Variants in CHST9 observed in about 807,000 individuals in gnomAD.
The protein encoded by CHST9 is carbohydrate sulfotransferase 9, also known as GalNAc-4-sulfotransferase 2.
A neutral mutation model predicts 44.4 loss-of-function variants in CHST9; 41 were observed. That is an observed-to-expected ratio of 0.92 (90% confidence interval 0.72 to 1.20). CHST9 has a LOEUF of 1.20. Ranked by LOEUF, CHST9 falls within the 50% of genes most tolerant of loss-of-function variation. The probability of loss-of-function intolerance (pLI) is 0.00; values close to 1 mark genes in which losing one functional copy is unlikely to be tolerated. For missense variants in CHST9, 504 were observed against 516.5 expected (o/e 0.98, Z 0.23); for synonymous variants, 171 against 178.4 (o/e 0.96, Z 0.33).
At chr18:27,032,140 A>T (rs748913958) in intron 3 of CHST9, among the ~76,000 whole-genome samples, 14 of 152,110 alleles carry the variant, frequency 9.2e-5, no homozygotes, top group Non-Finnish European at 1.9e-4. Context: ...TTGCTCTAAA[A>T]ATCCTTTTGT....
At chr18:27,148,236 G>A (rs904697835) in intron 1 of CHST9, among the ~76,000 whole-genome samples, 8 of 151,578 alleles carry the variant, frequency 5.3e-5, no homozygotes, top group Non-Finnish European at 7.4e-5. Flanking sequence ...TGGTATAGAC[G>A]TACCACATTT....
intron 1 of CHST9, among the ~76,000 whole-genome samples, chr18:27,143,550 A>T (rs2058586293): frequency 1.3e-5 from 2 of 152,044 alleles, no homozygotes; most frequent in Non-Finnish European, 1.5e-5. Flanking sequence ...TACTGAACAG[A>T]TTTTCTTTTA....
chr18:26,960,454 C>T (rs887050038), intron 4 of CHST9, among the ~76,000 whole-genome samples: 3 of 152,178 alleles, frequency 2.0e-5, no homozygotes, highest in Non-Finnish European at 2.9e-5. Flanking sequence ...CTTAAGTTCT[C>T]ACTGGTTGTG....
At chr18:27,055,381 C>G in intron 2 of CHST9, among the ~76,000 whole-genome samples, 1 of 152,176 alleles carries the variant, frequency 6.6e-6, no homozygotes, top group South Asian at 2.1e-4. Flanking sequence ...TCTATACTTC[C>G]GAGTTAACTA....
At chr18:27,126,828 T>C (rs2143824382) in intron 2 of CHST9, among the ~76,000 whole-genome samples, 1 of 152,172 alleles carries the variant, frequency 6.6e-6, no homozygotes, top group African/African-American at 2.4e-5. Context: ...AAGGCTGCTT[T>C]AGGGGCTGCT....
chr18:26,955,555 T>C (rs2056310872), intron 4 of CHST9, among the ~76,000 whole-genome samples: 1 of 152,138 alleles, frequency 6.6e-6, no homozygotes, highest in Non-Finnish European at 1.5e-5. Context: ...ACAGCACAAG[T>C]GCAGGCTGAA....
At chr18:27,092,657 A>G (rs945785113) in intron 2 of CHST9, among the ~76,000 whole-genome samples, 7 of 151,994 alleles carry the variant, frequency 4.6e-5, no homozygotes, top group African/African-American at 1.7e-4. Context: ...CTTTGTTCTC[A>G]TTTGTTTCAA....
intron 2 of CHST9, among the ~76,000 whole-genome samples, chr18:27,133,008 T>A (rs2058484671): frequency 6.6e-6 from 1 of 152,260 alleles, no homozygotes; most frequent in African/African-American, 2.4e-5. Flanking sequence ...ATTCCAAGTC[T>A]CAAAAGCCAG....
chr18:27,137,188 G>A (rs968511640), intron 2 of CHST9, among the ~76,000 whole-genome samples: 11 of 151,098 alleles, frequency 7.3e-5, no homozygotes, highest in African/African-American at 2.7e-4. Flanking sequence ...AGGAGAGATT[G>A]ATTTATACAT....
chr18:27,087,651 C>T (rs577143880), intron 2 of CHST9, among the ~76,000 whole-genome samples: 1 of 152,244 alleles, frequency 6.6e-6, no homozygotes, highest in African/African-American at 2.4e-5. Context: ...CCTCTGAGAC[C>T]TCACTAAATC....
intron 5 of CHST9, among the ~76,000 whole-genome samples, chr18:26,922,394 C>T (rs1279746518): frequency 1.3e-5 from 2 of 152,160 alleles, no homozygotes; most frequent in Non-Finnish European, 2.9e-5. Flanking sequence ...TTTATTCCAG[C>T]TTCCACAGTT....
chr18:27,117,517 C>T (rs1598736404), intron 2 of CHST9, among the ~76,000 whole-genome samples: 1 of 152,038 alleles, frequency 6.6e-6, no homozygotes, highest in East Asian at 1.9e-4. Context: ...AGTTTCAGTG[C>T]CCTAAAAATC....
chr18:27,012,388 A>G (rs2145248210), intron 4 of CHST9, among the ~76,000 whole-genome samples: 1 of 152,358 alleles, frequency 6.6e-6, no homozygotes, highest in Middle Eastern at 3.4e-3. Flanking sequence ...TATTTTTAAG[A>G]AAATCATAAG....
chr18:27,064,416 G>T (rs554265297), intron 2 of CHST9, among the ~76,000 whole-genome samples: 1 of 152,194 alleles, frequency 6.6e-6, no homozygotes, highest in South Asian at 2.1e-4. Flanking sequence ...TGTTCCGCAC[G>T]CATCAGAGCA....
chr18:27,050,985 T>C, intron 2 of CHST9, among the ~76,000 whole-genome samples: 1 of 152,222 alleles, frequency 6.6e-6, no homozygotes, highest in East Asian at 1.9e-4. Context: ...GTGATCAAGG[T>C]ATCCCAAATG....
intron 2 of CHST9, among the ~76,000 whole-genome samples, chr18:27,111,951 C>G (rs1388212248): frequency 6.6e-6 from 1 of 152,100 alleles, no homozygotes; most frequent in Non-Finnish European, 1.5e-5. Flanking sequence ...TCAAATTATA[C>G]CATCAGCTTT....
chr18:27,116,758 TATTTA>T (rs1248771410), intron 2 of CHST9, among the ~76,000 whole-genome samples: 2 of 152,230 alleles, frequency 1.3e-5, no homozygotes, highest in Admixed American at 6.5e-5. Flanking sequence ...ATTGAGGTTT[TATTTA>T]ATTTATTTGG....
At chr18:27,084,690 G>T (rs1364064381) in intron 2 of CHST9, among the ~76,000 whole-genome samples, 1 of 151,794 alleles carries the variant, frequency 6.6e-6, no homozygotes, top group East Asian at 1.9e-4. Flanking sequence ...TCTTCTGCTA[G>T]CTTTGGGGTT....
rs115813438 is a variant in CHST9 at position 27,053,496 on chromosome 18, A to G, written c.122-4993T>C. Reference sequence around the variant, plus strand: ...GTCCAATACATTCCCCTCCATCAGGACTTTGAGACATATCTTCTCCTTTCT... The same window carrying G: ...GTCCAATACATTCCCCTCCATCAGGGCTTTGAGACATATCTTCTCCTTTCT... On this transcript the variant is annotated intron_variant, in intron 2 of 5. Transcript: ENST00000618847. Among the ~76,000 whole-genome samples the G allele has an allele frequency of 6.2e-3, 944 of 152,072 alleles. 16 individuals carry two copies. Among genetic ancestry groups the G allele is most frequent in the African/African-American group, 0.022 (901 of 41,462 alleles).
Sources: gnomAD v4.1 joint callset for allele counts (sites outside exome capture counted in the v4.1 genomes callset) on GRCh38, gnomAD v4.1.1 for gene constraint, MANE v1.5 for transcripts, NCBI Gene and HGNC (gene_info 2026-07-23, HGNC 2026-07-21) for gene names.